Variants in SETMAR observed in about 807,000 individuals in gnomAD.
The protein encoded by SETMAR is SET and mariner transposase domain methyltransferase.
A neutral mutation model predicts 58.4 loss-of-function variants in SETMAR; 44 were observed. The observed-to-expected ratio is 0.75, with a 90% CI of 0.59 to 0.97. The LOEUF (loss-of-function observed/expected upper bound fraction) is 0.97, where lower values mean the gene tolerates loss of function less well. SETMAR is among the 50% of genes least tolerant of loss of function. The probability of loss-of-function intolerance (pLI) is 0.00; values close to 1 mark genes in which losing one functional copy is unlikely to be tolerated. For missense variants in SETMAR, 903 were observed against 840.2 expected, an observed-to-expected ratio of 1.07 and a Z score of -0.92; for synonymous variants, 332 against 307.4, an observed-to-expected ratio of 1.08 and a Z score of -0.84.
At chr3:4,306,618 G>C (rs1270750376) in intron 1 of SETMAR, among the ~76,000 whole-genome samples, 1 of 152,174 alleles carries the variant, frequency 6.6e-6, no homozygotes, top group Non-Finnish European at 1.5e-5. Context: ...GATCAAACAT[G>C]CTTGAAACAT....
chr3:4,303,827 G>T (rs889469897), intron 1 of SETMAR: 1 of 1,362,224 alleles, frequency 7.3e-7, no homozygotes, highest in African/African-American at 1.5e-5. Context: ...AGGCATCACG[G>T]GGGGAGTCAT....
At chr3:4,304,470 G>A (rs1698102091) in intron 1 of SETMAR, among the ~76,000 whole-genome samples, 1 of 152,158 alleles carries the variant, frequency 6.6e-6, no homozygotes, top group South Asian at 2.1e-4. Context: ...CTCCGACCTT[G>A]GCCTGAGCGT....
intron 2 of SETMAR, among the ~76,000 whole-genome samples, chr3:4,315,402 T>C (rs1441555110): frequency 2.6e-5 from 4 of 152,194 alleles, no homozygotes; most frequent in Admixed American, 2.0e-4. Context: ...ACAGCAGAGA[T>C]ATTCCCAGAG....
intron 1 of SETMAR, among the ~76,000 whole-genome samples, chr3:4,304,505 A>C (rs909529107): frequency 1.1e-4 from 16 of 152,324 alleles, no homozygotes; most frequent in African/African-American, 3.6e-4. Flanking sequence ...GGAATGACCA[A>C]AGATTTTGAA....
intron 1 of SETMAR, chr3:4,303,805 C>T (rs1305436636): frequency 7.1e-7 from 1 of 1,400,792 alleles, no homozygotes; most frequent in Admixed American, 2.2e-5. Flanking sequence ...GTCCTGTCCT[C>T]AGAACTCAAG....
chr3:4,313,737 C>G lies in SETMAR; in HGVS notation c.996C>G (p.Pro332=). ...GTGGCTCAGCCCCTTCTGTGTTCCC[C>G]TCCTGCAAGCGATTGACCCTTGAGG... ...SMCGSAPSVF[P]SCKRLTLETM... is the part of the protein sequence containing the mutation. Residue 332 remains proline (P), a synonymous_variant, in exon 2 of 3, where the codon CCC becomes CCG. Transcript: ENST00000358065. The G allele has an allele frequency of 6.2e-7, 1 of 1,614,052 alleles. No homozygotes were observed. The highest frequency in any genetic ancestry group is 8.5e-7 in the Non-Finnish European group (1 of 1,179,968).
At chr3:4,309,366 C>T (rs911453965) in intron 1 of SETMAR, among the ~76,000 whole-genome samples, 1 of 152,070 alleles carries the variant, frequency 6.6e-6, no homozygotes, top group African/African-American at 2.4e-5. Flanking sequence ...AGGAGGGGTC[C>T]CTTCAGATGA....
In SETMAR at chr3:4,313,276, C is replaced by A. The variant is rs960535534; in HGVS notation, c.535C>A (p.Gln179Lys). Residue 179 changes from glutamine to lysine, a missense_variant, in exon 2 of 3, where the codon CAG becomes AAG. Gln to Lys is a moderately conservative substitution (Grantham distance 53, BLOSUM62 1). Transcript: ENST00000358065. ...TGAGGTTTTAGGATTCTCTGAAGTT[C>A]AGAGAAGAATTCACTTACAAACAAA... ...AGEVLGFSEV[Q>K]RRIHLQTKSD... The A allele has an allele frequency of 3.1e-6, 5 of 1,613,798 alleles. No homozygotes were observed. The highest frequency in any genetic ancestry group is 4.2e-6 in the Non-Finnish European group (5 of 1,179,890).
At position 4,316,942 on chromosome 3, in the gene SETMAR, T is replaced by C. The variant is rs1261804017; in HGVS notation, c.1751T>C (p.Ile584Thr). The C allele has an allele frequency of 1.9e-6, 3 of 1,549,240 alleles. No individual in the cohort carries two copies. Among genetic ancestry groups the C allele is most frequent in the Non-Finnish European group, 1.7e-6 (2 of 1,146,730 alleles). ...GCATTGGTCAACAGAAAGGGCCCAATTCTTCTCCACGACAATGCCCGACCG... is the reference window on the plus strand; with the variant it reads ...GCATTGGTCAACAGAAAGGGCCCAACTCTTCTCCACGACAATGCCCGACCG... ...QLALVNRKGP[I>T]LLHDNARPHV... is the part of the protein sequence containing the mutation. The change falls in exon 3 of 3, where the codon ATT becomes ACT. Residue 584 changes from isoleucine to threonine, a missense_variant. By Grantham distance (89) the Ile-to-Thr change is moderately conservative. Coordinates refer to ENST00000358065, the MANE Select transcript of SETMAR (RefSeq NM_006515.4).
rs764130259 is a variant in SETMAR at position 4,316,764 on chromosome 3, A to G, written c.1573A>G (p.Ile525Val). 7.1e-6 allele frequency: 11 copies of G among 1,550,834 alleles called. No homozygotes were observed. The East Asian group carries it at 1.7e-4, about 24-fold the overall frequency. ...EEAPKHFPKP[I>V]LHPKKVMVTI... ...AGCTCCAAAGCACTTCCCAAAGCCA[A>G]TCTTGCACCCAAAAAAGGTCATGGT... is the stretch of plus-strand genomic sequence containing the variant. The change falls in exon 3 of 3, where the codon ATC (isoleucine) becomes GTC (valine). Residue 525 changes from isoleucine to valine, a missense_variant. By Grantham distance (29) the Ile-to-Val change is conservative. Coordinates refer to ENST00000358065, the MANE Select transcript of SETMAR (RefSeq NM_006515.4).
At chr3:4,307,077 A>G (rs930148329) in intron 1 of SETMAR, among the ~76,000 whole-genome samples, 1 of 152,246 alleles carries the variant, frequency 6.6e-6, no homozygotes, top group African/African-American at 2.4e-5. Flanking sequence ...ATGAGGCTAG[A>G]GGCCAAGTAC....
At position 4,308,726 on chromosome 3, in the gene SETMAR, C is replaced by A. The variant is rs984774853; in HGVS notation, c.157-4172C>A. On this transcript the variant is annotated intron_variant, in intron 1 of 2. Transcript: ENST00000358065. ...CCACTGCTTCCTCACAGTTCAAGAC[C>A]ATAGTCACAGAGTTTTCCTGCCTGG... 3.9e-5 allele frequency among the ~76,000 whole-genome samples: 6 copies of A among 152,322 alleles called. No individual in the cohort carries two copies. The East Asian group carries it at 1.2e-3, about 29-fold the overall frequency.
chr3:4,316,822 A>G lies in SETMAR; in HGVS notation c.1631A>G (p.His544Arg). The G allele has an allele frequency of 1.3e-6, 2 of 1,550,650 alleles. No homozygotes were observed. The highest frequency in any genetic ancestry group is 1.4e-5 in the African/African-American group (1 of 73,118). The change falls in exon 3 of 3, where the codon CAC becomes CGC. Residue 544 changes from histidine to arginine, a missense_variant. Transcript: ENST00000358065. ...TGGTGGTCTGCTGCTGGTCTGATCC[A>G]CTACAGCTTTCTGAATCCCGGTGAA... ...TIWWSAAGLI[H>R]YSFLNPGETI...
At chr3:4,313,951 A>C (rs1698532388) in intron 2 of SETMAR, 190 bp downstream of exon 2, 1 of 1,013,706 alleles carries the variant, frequency 9.9e-7, no homozygotes. Flanking sequence ...ACTACCCAGA[A>C]TACTCACTTT....
At chr3:4,313,843 C>A (rs554226386) in intron 2 of SETMAR, 82 bp downstream of exon 2, 1 of 1,584,726 alleles carries the variant, frequency 6.3e-7, no homozygotes, top group African/African-American at 1.3e-5. Context: ...TGCCTAGTTA[C>A]ATAAGTTTAA....
In SETMAR at chr3:4,317,029, C is replaced by T. The variant is rs1698689731; in HGVS notation, c.1838C>T (p.Pro613Leu). 6.5e-7 allele frequency: 1 copy of T among 1,549,358 alleles called. No individual in the cohort carries two copies. Among genetic ancestry groups the T allele is most frequent in the African/African-American group, 1.4e-5 (1 of 73,054 alleles). ...TTGGGCTATGAAGTTTTGCCTCATCCACCGTATTCACCTGACCTCTTGCCA... is the reference window on the plus strand; with the variant it reads ...TTGGGCTATGAAGTTTTGCCTCATCTACCGTATTCACCTGACCTCTTGCCA... ...NELGYEVLPH[P>L]PYSPDLLPTN... The change falls in exon 3 of 3, where the codon CCA becomes CTA. Residue 613 changes from proline (P) to leucine (L), a missense_variant. Coordinates refer to ENST00000358065, the MANE Select transcript of SETMAR (RefSeq NM_006515.4).
At position 4,303,511 on chromosome 3, in the gene SETMAR, G is replaced by A. The variant is rs1359761233; in HGVS notation, c.141G>A (p.Ala47=). Residue 47 remains alanine, a synonymous_variant, in exon 1 of 3, where the codon GCG becomes GCA. Transcript: ENST00000358065. The stretch of plus-strand genomic sequence containing the variant: ...TGGGCGCGTGGCCCCCGGGGGCCGC[G>A]CCGGCGCCCTTCCAGGTAGGGGCGG... ...LPVGAWPPGA[A]PAPFQYTPDH... is the part of the protein sequence containing the mutation. 6.9e-7 allele frequency: 1 copy of A among 1,439,660 alleles called. No homozygotes were observed. The highest frequency in any genetic ancestry group is 9.1e-7 in the Non-Finnish European group (1 of 1,101,850). The allele number at this position is 1,439,660 out of a possible 1,614,324, so 89.2% of individuals were successfully genotyped here. A position where few individuals can be genotyped will look rare whatever the true frequency, so the allele number is the denominator to read the frequency against.
In SETMAR at chr3:4,313,857, A is replaced by G. The variant is rs574589702; in HGVS notation, c.1020+96A>G. 1.2e-4 allele frequency: 180 copies of G among 1,564,584 alleles called. No homozygotes were observed. The African/African-American group carries it at 2.3e-3, about 20-fold the overall frequency. Reference sequence around the variant, plus strand: ...CTGCCTAGTTACATAAGTTTAACTCAGGAATGTGGCAGAGACTGCAAGTTG... The same window carrying G: ...CTGCCTAGTTACATAAGTTTAACTCGGGAATGTGGCAGAGACTGCAAGTTG... On this transcript the variant is annotated intron_variant, in intron 2 of 2. Coordinates refer to ENST00000358065, the MANE Select transcript of SETMAR (RefSeq NM_006515.4).
chr3:4,313,879 G>A, intron 2 of SETMAR, 118 bp downstream of exon 2: 1 of 1,522,014 alleles, frequency 6.6e-7, no homozygotes, highest in Non-Finnish European at 8.8e-7. Flanking sequence ...GAGACTGCAA[G>A]TTGTCCATCA....
Sources: allele counts gnomAD v4.1 joint callset (sites outside exome capture counted in the v4.1 genomes callset), GRCh38; gene constraint gnomAD v4.1.1; transcripts MANE v1.5; gene names NCBI Gene and HGNC (gene_info 2026-07-23, HGNC 2026-07-21).